The following DACH1 variants were observed in gnomAD, a reference collection of about 807,000 sequenced individuals.
The protein encoded by DACH1 is dachshund homolog 1.
Under a neutral mutation model 54.2 loss-of-function variants are expected in DACH1, and 12 were observed. The ratio of observed to expected loss-of-function variants is 0.22; its 90% confidence interval spans 0.14 to 0.36. The LOEUF is 0.36. DACH1 is among the 10% of genes least tolerant of loss of function. The probability of loss-of-function intolerance (pLI) is 1.00; values close to 1 mark genes in which losing one functional copy is unlikely to be tolerated. For synonymous variants in DACH1, 386 were observed against 366.2 expected, an observed-to-expected ratio of 1.05 and a Z score of -0.62; for missense variants, 805 against 929.8, an observed-to-expected ratio of 0.87 and a Z score of 1.75.
intron 1 of DACH1, among the ~76,000 whole-genome samples, chr13:71,790,922 G>T (rs1204423419): frequency 2.6e-5 from 4 of 152,186 alleles, no homozygotes; most frequent in Admixed American, 6.5e-5. Flanking sequence ...GGTAATTGAA[G>T]TATAGGCTAA....
At chr13:71,574,713 T>C (rs1885426907) in intron 3 of DACH1, among the ~76,000 whole-genome samples, 1 of 152,002 alleles carries the variant, frequency 6.6e-6, no homozygotes, top group African/African-American at 2.4e-5. Flanking sequence ...GCAATTTTAT[T>C]AAACAATGAA....
At chr13:71,610,249 G>A (rs1458576834) in intron 3 of DACH1, among the ~76,000 whole-genome samples, 1 of 152,072 alleles carries the variant, frequency 6.6e-6, no homozygotes, top group African/African-American at 2.4e-5. Context: ...AATGAGAACT[G>A]GACACTAAAA....
At chr13:71,803,991 G>A (rs1376747605) in intron 1 of DACH1, among the ~76,000 whole-genome samples, 1 of 152,102 alleles carries the variant, frequency 6.6e-6, no homozygotes, top group Non-Finnish European at 1.5e-5. Flanking sequence ...GTGTACAGGA[G>A]GAACAGATTG....
intron 3 of DACH1, among the ~76,000 whole-genome samples, chr13:71,574,841 T>A (rs1322855984): frequency 5.9e-5 from 9 of 152,008 alleles, no homozygotes; most frequent in Non-Finnish European, 1.2e-4. Context: ...ATAAAAGAAA[T>A]TTCTCCAGCT....
Position 71,562,124 on chromosome 13 carries a change from T to C in DACH1, c.1300-2169A>G, listed in dbSNP as rs867577690. On this transcript the variant is annotated intron_variant, in intron 4 of 10. Coordinates refer to ENST00000613252, the MANE Select transcript of DACH1 (RefSeq NM_080759.6). Reference sequence around the variant, plus strand: ...TAAGAGTTTTTGTACAGAGCTAATATGTGCTGATAGGCTTCTGTAAAAGAC... The same window carrying C: ...TAAGAGTTTTTGTACAGAGCTAATACGTGCTGATAGGCTTCTGTAAAAGAC... Among the ~76,000 whole-genome samples, 39 of 152,278 alleles carry C rather than the reference T, an allele frequency of 2.6e-4. No individual in the cohort carries two copies. In the Middle Eastern group the frequency reaches 0.017, roughly 66 times the overall value.
intron 10 of DACH1, among the ~76,000 whole-genome samples, chr13:71,441,676 T>C (rs527361656): frequency 6.6e-6 from 1 of 152,156 alleles, no homozygotes; most frequent in East Asian, 1.9e-4. Context: ...TGACCTATAG[T>C]ACATTCAGGA....
At chr13:71,679,879 G>A (rs1161193824) in intron 2 of DACH1, among the ~76,000 whole-genome samples, 1 of 150,762 alleles carries the variant, frequency 6.6e-6, no homozygotes, top group African/African-American at 2.4e-5. Context: ...CTACTCCAGA[G>A]GCTAAGGCAG....
chr13:71,543,329 T>C lies in DACH1; in HGVS notation c.1570+13695A>G, dbSNP rs557191312. The stretch of plus-strand genomic sequence containing the variant: ...TCTTTTATGCATATTTAATCCAGTG[T>C]TTTTCGTAAAATCAAGTTGAATCCT... On this transcript the variant is annotated intron_variant, in intron 6 of 10. Transcript: ENST00000613252. Among the ~76,000 whole-genome samples the C allele has an allele frequency of 1.2e-4, 19 of 152,210 alleles. No homozygotes were observed. In the East Asian group the frequency reaches 3.7e-3, roughly 29 times the overall value.
At chr13:71,783,123 T>C (rs969657090) in intron 1 of DACH1, among the ~76,000 whole-genome samples, 8 of 152,122 alleles carry the variant, frequency 5.3e-5, no homozygotes, top group African/African-American at 1.9e-4. Flanking sequence ...CACACGTTCC[T>C]GCACAGAGAA....
At chr13:71,582,096 C>G (rs1593932272) in intron 3 of DACH1, among the ~76,000 whole-genome samples, 1 of 152,032 alleles carries the variant, frequency 6.6e-6, no homozygotes, top group Non-Finnish European at 1.5e-5. Context: ...AAAGGTATTG[C>G]TACCAAAAGT....
intron 6 of DACH1, among the ~76,000 whole-genome samples, chr13:71,530,121 A>G (rs569263876): frequency 2.6e-5 from 4 of 152,214 alleles, no homozygotes; most frequent in African/African-American, 7.2e-5. Context: ...TACTAAAAGT[A>G]TGAATGAGTA....
rs534522644 is a variant in DACH1, at chr13:71,492,588, C to G, written c.1571-3440G>C. Among the ~76,000 whole-genome samples, 10 of 152,164 alleles carry G rather than the reference C, an allele frequency of 6.6e-5. No homozygotes were observed. In the East Asian group the frequency reaches 1.7e-3, roughly 26 times the overall value. On this transcript the variant is annotated intron_variant, in intron 6 of 10. Transcript: ENST00000613252. ...TCCAGAACTGTGAGATAATAAACTT[C>G]TGTTGTTTTAAGGCACCAGGGTTAA...
chr13:71,482,298 A>G (rs1878111275), intron 7 of DACH1, among the ~76,000 whole-genome samples: 1 of 152,176 alleles, frequency 6.6e-6, no homozygotes, highest in Non-Finnish European at 1.5e-5. Context: ...AGAAAGTACA[A>G]TATCTGTCTA....
intron 10 of DACH1, among the ~76,000 whole-genome samples, chr13:71,471,762 GAAAAGA>G (rs1256534402): frequency 6.6e-6 from 1 of 151,072 alleles, no homozygotes; most frequent in African/African-American, 2.4e-5. Flanking sequence ...AAAAAAAAAA[GAAAAGA>G]AAAAGAAAAA....
rs1272935533 is a variant in DACH1, at chr13:71,710,450, TTTTGTGTGTG to T, written c.849-28550_849-28541del. 9.1e-3 allele frequency among the ~76,000 whole-genome samples: 877 copies of T among 96,368 alleles called. 13 individuals carry two copies. Among genetic ancestry groups the T allele is most frequent in the African/African-American group, 0.031 (827 of 26,438 alleles). The allele number at this position is 96,368 out of a possible 152,430, so 63.2% of individuals were successfully genotyped here. On this transcript the variant is annotated intron_variant, in intron 1 of 10. Transcript: ENST00000613252. ...TGAAAGTGAGGTTCAAATATGAGGG[TTTTGTGTGTG>T]TGTGTGTGTGTGTGTGTGTGTGTGT...
At chr13:71,830,879 G>C (rs1249173364) in intron 1 of DACH1, among the ~76,000 whole-genome samples, 1 of 151,814 alleles carries the variant, frequency 6.6e-6, no homozygotes, top group African/African-American at 2.4e-5. Context: ...CTAAGTGATG[G>C]CTTCTTCACA....
intron 4 of DACH1, among the ~76,000 whole-genome samples, chr13:71,565,896 T>C (rs565509190): frequency 2.6e-4 from 39 of 152,330 alleles, no homozygotes; most frequent in African/African-American, 8.4e-4. Context: ...TATTTGATAA[T>C]ATAAATTTGC....
At chr13:71,506,944 A>G (rs1243235869) in intron 6 of DACH1, among the ~76,000 whole-genome samples, 1 of 151,592 alleles carries the variant, frequency 6.6e-6, no homozygotes, top group Non-Finnish European at 1.5e-5. Context: ...ACCTAAAACC[A>G]TAAAAACCCT....
At chr13:71,545,535 A>AAGGGAGGGAAGGAGGGAGGGAGAG (rs1883409403) in intron 6 of DACH1, among the ~76,000 whole-genome samples, 1 of 141,644 alleles carries the variant, frequency 7.1e-6, no homozygotes, top group African/African-American at 2.5e-5. Flanking sequence ...AGGAAGGAAG[A>AAGGGAGGGAAGGAGGGAGGGAGAG]AGGGAGGGAA....
Sources: allele counts gnomAD v4.1 joint callset (sites outside exome capture counted in the v4.1 genomes callset), GRCh38; gene constraint gnomAD v4.1.1; transcripts MANE v1.5; gene names NCBI Gene and HGNC (gene_info 2026-07-23, HGNC 2026-07-21).